Variants in XKR6 observed in about 807,000 individuals in gnomAD.
The protein encoded by XKR6 is XK-related protein 6.
Under a neutral mutation model 56.7 loss-of-function variants are expected in XKR6, and 22 were observed. The ratio of observed to expected loss-of-function variants is 0.39; its 90% CI spans 0.28 to 0.55. The LOEUF (loss-of-function observed/expected upper bound fraction) is 0.55, where lower values mean the gene tolerates loss of function less well. XKR6 is among the 20% of genes least tolerant of loss of function. The pLI is 0.66. For missense variants in XKR6, 852 were observed against 889.0 expected (o/e 0.96, Z 0.53); for synonymous variants, 524 against 387.8 (o/e 1.35, Z -4.13).
At chr8:11,117,586 C>A (rs546402948) in intron 1 of XKR6, among the ~76,000 whole-genome samples, 2 of 151,924 alleles carry the variant, frequency 1.3e-5, no homozygotes, top group South Asian at 2.1e-4. Context: ...AAATGTGAAA[C>A]CATAAAAATG....
At chr8:10,999,337 C>T (rs1182512377) in intron 1 of XKR6, among the ~76,000 whole-genome samples, 2 of 152,160 alleles carry the variant, frequency 1.3e-5, no homozygotes, top group African/African-American at 4.8e-5. Context: ...AGGAGATGCA[C>T]ATAATATGGT....
At chr8:11,079,900 G>A (rs1447717207) in intron 1 of XKR6, among the ~76,000 whole-genome samples, 1 of 152,144 alleles carries the variant, frequency 6.6e-6, no homozygotes, top group Admixed American at 6.5e-5. Context: ...CCAGGAGTTC[G>A]AGGCTGCAAG....
chr8:10,945,363 A>G (rs1223522127), intron 1 of XKR6, among the ~76,000 whole-genome samples: 2 of 152,168 alleles, frequency 1.3e-5, no homozygotes, highest in Admixed American at 6.5e-5. Flanking sequence ...GCACACTTAC[A>G]ATCCCAGCTA....
intron 1 of XKR6, among the ~76,000 whole-genome samples, chr8:10,928,534 T>C (rs1302009270): frequency 6.6e-6 from 1 of 152,228 alleles, no homozygotes; most frequent in African/African-American, 2.4e-5. Context: ...GGGTGACCTC[T>C]GAGGCTGCGC....
intron 2 of XKR6, among the ~76,000 whole-genome samples, chr8:10,903,050 T>C (rs1175973275): frequency 6.6e-6 from 1 of 152,176 alleles, no homozygotes; most frequent in Non-Finnish European, 1.5e-5. Context: ...AACAGGTTTC[T>C]ACTGGATGCT....
intron 1 of XKR6, among the ~76,000 whole-genome samples, chr8:10,979,544 C>A (rs893056878): frequency 6.6e-6 from 1 of 152,196 alleles, no homozygotes; most frequent in Non-Finnish European, 1.5e-5. Flanking sequence ...GACCCTCTAG[C>A]CCCTGAAGCA....
chr8:10,966,260 G>A (rs1201969199), intron 1 of XKR6, among the ~76,000 whole-genome samples: 1 of 152,118 alleles, frequency 6.6e-6, no homozygotes, highest in Admixed American at 6.5e-5. Context: ...GTTCCCAAGT[G>A]ATGCTGATGC....
chr8:11,134,348 G>A (rs1042139907), intron 1 of XKR6, among the ~76,000 whole-genome samples: 2 of 152,112 alleles, frequency 1.3e-5, no homozygotes, highest in Non-Finnish European at 2.9e-5. Context: ...CTTTGGCCAA[G>A]ATTAACAAAA....
At chr8:11,125,244 C>T (rs187223507) in intron 1 of XKR6, among the ~76,000 whole-genome samples, 132 of 152,166 alleles carry the variant, frequency 8.7e-4, no homozygotes, top group South Asian at 1.5e-3. Flanking sequence ...GGACCGGAGG[C>T]GAGGCAACCG....
intron 2 of XKR6, among the ~76,000 whole-genome samples, chr8:10,923,498 G>C (rs1040548234): frequency 6.6e-6 from 1 of 152,252 alleles, no homozygotes; most frequent in Non-Finnish European, 1.5e-5. Context: ...CCACCAGCAA[G>C]CTACTAGCCT....
At chr8:11,118,606 A>C (rs370123697) in intron 1 of XKR6, among the ~76,000 whole-genome samples, 1 of 152,258 alleles carries the variant, frequency 6.6e-6, no homozygotes, top group East Asian at 1.9e-4. Context: ...AGAGGTGTTT[A>C]TAGTATTCTC....
chr8:10,955,780 T>C (rs1801868690), intron 1 of XKR6, among the ~76,000 whole-genome samples: 1 of 152,106 alleles, frequency 6.6e-6, no homozygotes. Flanking sequence ...GTAGAGAAAC[T>C]TGTCTGAGGC....
Position 11,177,898 on chromosome 8 carries a change from G to C in XKR6, c.764+22678C>G, listed in dbSNP as rs139208406. 5.9e-3 allele frequency among the ~76,000 whole-genome samples: 901 copies of C among 152,322 alleles called. 13 individuals are homozygous for C. The highest frequency in any genetic ancestry group is 0.02 in the African/African-American group (833 of 41,578). ...ATACTTTGTGATGGTAGTCCCAGGA[G>C]AAAACTCACACAGTGAGCTAATGTC... On this transcript the variant is annotated intron_variant, in intron 1 of 2. Coordinates refer to ENST00000416569, the MANE Select transcript of XKR6 (RefSeq NM_173683.4).
At chr8:10,928,732 A>G (rs1800971698) in intron 1 of XKR6, among the ~76,000 whole-genome samples, 1 of 151,904 alleles carries the variant, frequency 6.6e-6, no homozygotes, top group South Asian at 2.1e-4. Flanking sequence ...CCGAGGGGGG[A>G]ACCAAGGCAG....
At chr8:11,116,296 C>T (rs1799169069) in intron 1 of XKR6, among the ~76,000 whole-genome samples, 1 of 152,182 alleles carries the variant, frequency 6.6e-6, no homozygotes, top group Non-Finnish European at 1.5e-5. Flanking sequence ...TAAACATGCT[C>T]ATCTATGTAT....
At chr8:10,912,517 TAG>T (rs1282230372) in intron 2 of XKR6, among the ~76,000 whole-genome samples, 3 of 130,344 alleles carry the variant, frequency 2.3e-5, no homozygotes, top group Non-Finnish European at 4.9e-5. Context: ...TGTATATACA[TAG>T]AGAGAGTGAG....
At chr8:11,118,038 C>T (rs1049791239) in intron 1 of XKR6, among the ~76,000 whole-genome samples, 4 of 152,076 alleles carry the variant, frequency 2.6e-5, no homozygotes, top group Admixed American at 6.5e-5. Flanking sequence ...AGAATAATGA[C>T]GTTATTTACC....
intron 1 of XKR6, among the ~76,000 whole-genome samples, chr8:11,189,335 C>T (rs1312009619): frequency 1.3e-5 from 2 of 152,140 alleles, no homozygotes; most frequent in African/African-American, 2.4e-5. Context: ...TTCAAACTTC[C>T]AAAGAAAGAA....
chr8:11,063,712 C>T (rs1036657988), intron 1 of XKR6, among the ~76,000 whole-genome samples: 3 of 152,084 alleles, frequency 2.0e-5, no homozygotes, highest in African/African-American at 7.2e-5. Flanking sequence ...GGAACATCCA[C>T]GGAGATGAGG....
Sources: allele counts gnomAD v4.1 joint callset (sites outside exome capture counted in the v4.1 genomes callset), GRCh38; gene constraint gnomAD v4.1.1; transcripts MANE v1.5; gene names NCBI Gene and HGNC (gene_info 2026-07-23, HGNC 2026-07-21).